Variants in LINGO1 observed in about 807,000 individuals in gnomAD.
LINGO1 encodes the protein leucine-rich repeat and immunoglobulin-like domain-containing nogo receptor-interacting protein 1.
LINGO1 carries 11 observed loss-of-function variants against 37.3 expected under a neutral mutation model. The observed-to-expected ratio is 0.29, with a 90% CI of 0.19 to 0.49. LINGO1 has a LOEUF of 0.49. Ranked by LOEUF, LINGO1 falls within the 20% of genes least tolerant of loss-of-function variation. The probability of loss-of-function intolerance (pLI) is 0.99; values close to 1 mark genes in which losing one functional copy is unlikely to be tolerated. For synonymous variants in LINGO1, 387 were observed against 403.0 expected (o/e 0.96, Z 0.48); for missense variants, 585 against 878.2 (o/e 0.67, Z 4.22).
rs569605136 is a variant in LINGO1, at chr15:77,642,657, G to A, written c.-12-26757C>T. Among the ~76,000 whole-genome samples, 4 of 152,286 alleles carry A rather than the reference G, an allele frequency of 2.6e-5. No individual in the cohort carries two copies. The South Asian group carries it at 8.3e-4, about 32-fold the overall frequency. ...TAGGAAGCCCTTCAGAGCCCCCATA[G>A]TCTGCTCCATACCACACAGGGAGCA... On this transcript the variant is annotated intron_variant, in intron 3 of 3. Transcript: ENST00000559893.
At chr15:77,672,405 C>A (rs556016868) in intron 3 of LINGO1, among the ~76,000 whole-genome samples, 4 of 152,294 alleles carry the variant, frequency 2.6e-5, no homozygotes, top group Non-Finnish European at 5.9e-5. Flanking sequence ...GTAAACTTAA[C>A]GTGTGATTCC....
chr15:77,687,289 A>G (rs931566917), intron 2 of LINGO1, among the ~76,000 whole-genome samples: 2 of 151,938 alleles, frequency 1.3e-5, no homozygotes, highest in Non-Finnish European at 1.5e-5. Flanking sequence ...TCATTGTAAA[A>G]CCAGGATCAA....
intron 1 of LINGO1, among the ~76,000 whole-genome samples, chr15:77,769,545 T>C (rs2076563183): frequency 6.6e-6 from 1 of 152,090 alleles, no homozygotes; most frequent in African/African-American, 2.4e-5. Context: ...ACTCTCCCCA[T>C]ATCCAGCCAT....
At chr15:77,764,563 G>A (rs147316028) in intron 1 of LINGO1, among the ~76,000 whole-genome samples, 20 of 152,298 alleles carry the variant, frequency 1.3e-4, no homozygotes, top group African/African-American at 4.8e-4. Context: ...GAGGAGCGCT[G>A]AAGGGCCAGT....
At chr15:77,760,496 C>A (rs1322191820) in intron 1 of LINGO1, among the ~76,000 whole-genome samples, 1 of 152,260 alleles carries the variant, frequency 6.6e-6, no homozygotes, top group Non-Finnish European at 1.5e-5. Flanking sequence ...TTTCTGGTTT[C>A]TCTTGGAAAA....
chr15:77,745,602 G>A (rs2076306468), intron 1 of LINGO1, among the ~76,000 whole-genome samples: 1 of 152,094 alleles, frequency 6.6e-6, no homozygotes, highest in South Asian at 2.1e-4. Flanking sequence ...AAACCTGCAG[G>A]TCTTTTTCAG....
At chr15:77,644,366 G>A (rs1031240583) in intron 3 of LINGO1, among the ~76,000 whole-genome samples, 2 of 152,184 alleles carry the variant, frequency 1.3e-5, no homozygotes, top group African/African-American at 4.8e-5. Flanking sequence ...CTCTGCCCAG[G>A]CCATCCTGGA....
At chr15:77,665,648 A>G (rs746906659) in intron 3 of LINGO1, among the ~76,000 whole-genome samples, 1 of 152,176 alleles carries the variant, frequency 6.6e-6, no homozygotes, top group South Asian at 2.1e-4. Context: ...TAGCTGGCTT[A>G]GTCGCCATGC....
At chr15:77,718,162 T>C (rs1377076096) in intron 2 of LINGO1, among the ~76,000 whole-genome samples, 7 of 150,762 alleles carry the variant, frequency 4.6e-5, no homozygotes, top group Admixed American at 4.6e-4. Flanking sequence ...GGAGCCACCT[T>C]CTTCCAGGGC....
In LINGO1 at chr15:77,720,096, C is replaced by T. The variant is rs867450558; in HGVS notation, c.-195+14896G>A. On this transcript the variant is annotated intron_variant, in intron 2 of 3. Coordinates refer to the LINGO1 transcript ENST00000561686. ...TCCACCTCTTCTAGCACACACACCA[C>T]CACCCCCTTGGCTTCACCAAGGACC... Among the ~76,000 whole-genome samples, 35 of 150,306 alleles carry T rather than the reference C, an allele frequency of 2.3e-4. 3 individuals are homozygous for T. The highest frequency in any genetic ancestry group is 3.4e-3 in the Middle Eastern group (1 of 294).
At chr15:77,734,714 G>A (rs1325249941) in intron 2 of LINGO1, among the ~76,000 whole-genome samples, 6 of 152,018 alleles carry the variant, frequency 3.9e-5, no homozygotes, top group South Asian at 4.2e-4. Flanking sequence ...GGGCCCCAGC[G>A]GTTGCTCTCC....
chr15:77,773,798 T>G (rs1182178928), intron 1 of LINGO1, among the ~76,000 whole-genome samples: 1 of 151,586 alleles, frequency 6.6e-6, no homozygotes, highest in East Asian at 1.9e-4. Context: ...TCCAAAGCCC[T>G]CAGCCTGGGG....
rs1453321192 is a variant in LINGO1, at chr15:77,632,845, C to A, written c.-530G>T. Among the ~76,000 whole-genome samples the A allele has an allele frequency of 6.7e-6, 1 of 149,400 alleles. No homozygotes were observed. Among genetic ancestry groups the A allele is most frequent in the African/African-American group, 2.4e-5 (1 of 41,040 alleles). On this transcript the variant is annotated 5_prime_UTR_variant, in exon 1 of 2. Transcript: ENST00000355300. This position sits in a 1 kb window ranked among gnomAD's most constrained non-coding sequence, Gnocchi z 6.0. ...CGCCGCCTGCGCTGTCGCCCGCCGC[C>A]CGCTCCGGCTCCCGCGCCGGCTCCC...
At chr15:77,740,465 C>T (rs1016155030) in intron 1 of LINGO1, among the ~76,000 whole-genome samples, 3 of 152,208 alleles carry the variant, frequency 2.0e-5, no homozygotes, top group Non-Finnish European at 2.9e-5. Flanking sequence ...AGTGGCTCCA[C>T]GCCTGTGCTC....
chr15:77,764,941 C>G (rs139115051), intron 1 of LINGO1, among the ~76,000 whole-genome samples: 1 of 152,192 alleles, frequency 6.6e-6, no homozygotes, highest in African/African-American at 2.4e-5. Flanking sequence ...TGCAGATGAA[C>G]CACGGCAGAT....
At chr15:77,637,584 GCTGGTATCTA>G (rs1403710264), upstream of LINGO1, among the ~76,000 whole-genome samples, 2 of 152,156 alleles carry the variant, frequency 1.3e-5, no homozygotes, top group African/African-American at 4.8e-5. This position sits in a 1 kb window ranked among gnomAD's most constrained non-coding sequence, Gnocchi z 4.6. Context: ...TTAACGTGTG[GCTGGTATCTA>G]CCTGATGCTG....
intron 1 of LINGO1, among the ~76,000 whole-genome samples, chr15:77,739,160 G>A (rs1473374624): frequency 6.6e-6 from 1 of 152,258 alleles, no homozygotes; most frequent in Non-Finnish European, 1.5e-5. Flanking sequence ...GGGGGGCCAG[G>A]ATGCCTGCCA....
chr15:77,668,384 G>A (rs916448154), intron 3 of LINGO1, among the ~76,000 whole-genome samples: 2 of 152,180 alleles, frequency 1.3e-5, no homozygotes, highest in Non-Finnish European at 2.9e-5. Flanking sequence ...TGGTGTCTCT[G>A]AGCCCCTGAG....
At chr15:77,796,744 C>T (rs1436115984) in intron 1 of LINGO1, among the ~76,000 whole-genome samples, 1 of 150,990 alleles carries the variant, frequency 6.6e-6, no homozygotes, top group Non-Finnish European at 1.5e-5. Flanking sequence ...CAGAGTCTTG[C>T]TCTGCCACCC....
Sources: gnomAD v4.1 joint callset for allele counts (sites outside exome capture counted in the v4.1 genomes callset) on GRCh38, gnomAD v4.1.1 for gene constraint, Gnocchi (gnomAD v3.1) non-coding constraint, MANE v1.5 for transcripts, NCBI Gene and HGNC (gene_info 2026-07-23, HGNC 2026-07-21) for gene names.